Variants in SRGAP1 observed in about 807,000 individuals in gnomAD.
SRGAP1 encodes SLIT-ROBO Rho GTPase-activating protein 1.
A neutral mutation model predicts 121.9 loss-of-function variants in SRGAP1; 43 were observed. The observed-to-expected ratio is 0.35, with a 90% CI of 0.28 to 0.46. The LOEUF (loss-of-function observed/expected upper bound fraction) is 0.46. SRGAP1 is among the 20% of genes least tolerant of loss of function. The pLI is 1.00. For missense variants in SRGAP1, 1,102 were observed against 1,350.9 expected, an observed-to-expected ratio of 0.82 and a Z score of 2.89; for synonymous variants, 447 against 485.4, an observed-to-expected ratio of 0.92 and a Z score of 1.04.
intron 1 of SRGAP1, among the ~76,000 whole-genome samples, chr12:63,931,651 C>T (rs1370965576): frequency 5.9e-5 from 9 of 152,132 alleles, no homozygotes; most frequent in African/African-American, 9.7e-5. Flanking sequence ...CATGATGCTA[C>T]GTGCTATGGG....
chr12:63,895,532 A>G (rs1900725399), intron 1 of SRGAP1, among the ~76,000 whole-genome samples: 1 of 152,218 alleles, frequency 6.6e-6, no homozygotes, highest in Admixed American at 6.5e-5. Flanking sequence ...ACACAGTTCT[A>G]TCCCTATTTA....
chr12:63,886,122 G>T (rs529445244), intron 1 of SRGAP1, among the ~76,000 whole-genome samples: 1 of 151,990 alleles, frequency 6.6e-6, no homozygotes, highest in Non-Finnish European at 1.5e-5. Flanking sequence ...GTGCAGCGGC[G>T]CAATCTCAGC....
intron 18 of SRGAP1, among the ~76,000 whole-genome samples, chr12:64,117,096 G>A (rs1377743474): frequency 6.6e-6 from 1 of 152,188 alleles, no homozygotes; most frequent in African/African-American, 2.4e-5. Flanking sequence ...GATAATCAGG[G>A]TGGTGGGGTG....
At chr12:64,096,403 G>A (rs1249718578) in intron 14 of SRGAP1, among the ~76,000 whole-genome samples, 1 of 152,104 alleles carries the variant, frequency 6.6e-6, no homozygotes, top group Non-Finnish European at 1.5e-5. Flanking sequence ...CTTTAGAAGA[G>A]AAGCATAAAA....
At chr12:64,019,569 A>G (rs2034494881) in intron 4 of SRGAP1, among the ~76,000 whole-genome samples, 1 of 152,194 alleles carries the variant, frequency 6.6e-6, no homozygotes, top group Admixed American at 6.5e-5. Context: ...TCATGCACAC[A>G]CACACACACC....
At chr12:64,001,268 T>C (rs1277974257) in intron 3 of SRGAP1, among the ~76,000 whole-genome samples, 2 of 152,250 alleles carry the variant, frequency 1.3e-5, no homozygotes, top group Admixed American at 6.5e-5. Flanking sequence ...CAAGTTGTTA[T>C]TCATTTTAAA....
At chr12:63,918,846 A>G in intron 1 of SRGAP1, among the ~76,000 whole-genome samples, 1 of 150,672 alleles carries the variant, frequency 6.6e-6, no homozygotes, top group African/African-American at 2.4e-5. Flanking sequence ...CAAGAATGTC[A>G]AAGACTCCAC....
intron 10 of SRGAP1, among the ~76,000 whole-genome samples, chr12:64,084,781 A>T (rs1420981530): frequency 6.6e-6 from 1 of 152,192 alleles, no homozygotes; most frequent in Non-Finnish European, 1.5e-5. Flanking sequence ...CAGAATTTCA[A>T]AGTTATAACA....
intron 3 of SRGAP1, among the ~76,000 whole-genome samples, chr12:64,009,440 C>T (rs2034188396): frequency 6.6e-6 from 1 of 152,130 alleles, no homozygotes; most frequent in Non-Finnish European, 1.5e-5. Flanking sequence ...GGATTTAAAT[C>T]TCAGTCTTGA....
chr12:64,016,422 G>A (rs1234284028), intron 3 of SRGAP1, among the ~76,000 whole-genome samples: 2 of 152,166 alleles, frequency 1.3e-5, no homozygotes, highest in African/African-American at 4.8e-5. Context: ...AGGGGTTCAA[G>A]GTTGCGGTGA....
At chr12:63,936,946 C>G (rs775884307) in intron 1 of SRGAP1, among the ~76,000 whole-genome samples, 1 of 152,152 alleles carries the variant, frequency 6.6e-6, no homozygotes, top group Non-Finnish European at 1.5e-5. Context: ...TCTGTTTTCC[C>G]TCTGCTTTTT....
At chr12:64,029,130 T>G (rs572827630) in intron 4 of SRGAP1, among the ~76,000 whole-genome samples, 1 of 152,144 alleles carries the variant, frequency 6.6e-6, no homozygotes, top group Non-Finnish European at 1.5e-5. Context: ...GGCTGTCTTT[T>G]AGGACAGTGC....
intron 1 of SRGAP1, among the ~76,000 whole-genome samples, chr12:63,873,636 C>A (rs148854317): frequency 6.8e-4 from 103 of 151,170 alleles, no homozygotes; most frequent in African/African-American, 2.3e-3. Context: ...TAAGCCTTGG[C>A]TGAATGCCAT....
At chr12:63,891,075 T>C (rs928223659) in intron 1 of SRGAP1, among the ~76,000 whole-genome samples, 1 of 152,212 alleles carries the variant, frequency 6.6e-6, no homozygotes, top group African/African-American at 2.4e-5. Flanking sequence ...TTCAGGGGTC[T>C]GGCCACCTGG....
chr12:64,131,744 G>A (rs542840895), intron 21 of SRGAP1, among the ~76,000 whole-genome samples: 20 of 152,274 alleles, frequency 1.3e-4, no homozygotes, highest in African/African-American at 3.1e-4. Flanking sequence ...TGCTGTGCAC[G>A]ACCCGCTTTA....
intron 2 of SRGAP1, among the ~76,000 whole-genome samples, chr12:63,986,634 G>T (rs1252822220): frequency 6.6e-6 from 1 of 152,152 alleles, no homozygotes; most frequent in Non-Finnish European, 1.5e-5. Flanking sequence ...TGCTGGCTAG[G>T]CTGGTCTTGA....
At chr12:64,070,022 C>T (rs1449986194) in intron 8 of SRGAP1, among the ~76,000 whole-genome samples, 3 of 152,212 alleles carry the variant, frequency 2.0e-5, no homozygotes, top group Non-Finnish European at 4.4e-5. Context: ...CAGGTGAGAG[C>T]CACAGCCGGC....
At chr12:63,923,966 C>T (rs1250154169) in intron 1 of SRGAP1, among the ~76,000 whole-genome samples, 4 of 152,102 alleles carry the variant, frequency 2.6e-5, no homozygotes, top group Non-Finnish European at 4.4e-5. Flanking sequence ...ACATGGCAAA[C>T]CCTGTCTCTA....
rs1416455551 is a variant in SRGAP1, at chr12:64,154,937, T to C, written c.*12265T>C. 1.3e-5 allele frequency: 2 copies of C among 152,222 alleles called. No homozygotes were observed. Among genetic ancestry groups the C allele is most frequent in the Non-Finnish European group, 2.9e-5 (2 of 68,066 alleles). 9.4% of individuals were successfully genotyped at this position (152,222 alleles called of 1,614,324 possible). On this transcript the variant is annotated 3_prime_UTR_variant, in exon 22 of 22. Coordinates refer to ENST00000355086, the MANE Select transcript of SRGAP1 (RefSeq NM_020762.4). Reference sequence around the variant, plus strand: ...GGAAAACCAGGAGGAGCATGTAATGTGATCAGTACCCAGGGAAGAAATGAT... The same window carrying C: ...GGAAAACCAGGAGGAGCATGTAATGCGATCAGTACCCAGGGAAGAAATGAT...
Sources: allele counts gnomAD v4.1 joint callset (sites outside exome capture counted in the v4.1 genomes callset), GRCh38; gene constraint gnomAD v4.1.1; transcripts MANE v1.5; gene names NCBI Gene and HGNC (gene_info 2026-07-23, HGNC 2026-07-21).